Variants in ERMP1 observed in about 807,000 individuals in gnomAD.
ERMP1 encodes Felix-ina.
A neutral mutation model predicts 92.0 loss-of-function variants in ERMP1; 86 were observed. That is an observed-to-expected ratio of 0.93 (90% CI 0.79 to 1.12). ERMP1 has a LOEUF of 1.12. Ranked by LOEUF, ERMP1 falls within the 50% of genes most tolerant of loss-of-function variation. The probability of loss-of-function intolerance (pLI) is 0.00; values close to 1 mark genes in which losing one functional copy is unlikely to be tolerated. For synonymous variants in ERMP1, 530 were observed against 412.8 expected (o/e 1.28, Z -3.44); for missense variants, 1,342 against 1,116.3 (o/e 1.20, Z -2.88).
intron 6 of ERMP1, among the ~76,000 whole-genome samples, chr9:5,847,041 T>G (rs1830245420): frequency 6.6e-6 from 1 of 152,144 alleles, no homozygotes; most frequent in African/African-American, 2.4e-5. Flanking sequence ...TCAGCACCAA[T>G]GCTCAGCAGC....
chr9:5,804,789 A>T (rs1314117225), intron 10 of ERMP1, among the ~76,000 whole-genome samples: 1 of 152,074 alleles, frequency 6.6e-6, no homozygotes, highest in Non-Finnish European at 1.5e-5. Flanking sequence ...GAAAAGAGGT[A>T]AATCAGAGAA....
At chr9:5,789,496 G>A (rs1828083076) in intron 13 of ERMP1, among the ~76,000 whole-genome samples, 1 of 152,208 alleles carries the variant, frequency 6.6e-6, no homozygotes, top group African/African-American at 2.4e-5. Flanking sequence ...TTCAGAAACA[G>A]TCTAGAGAAT....
chr9:5,811,142 C>G lies in ERMP1; in HGVS notation c.1296G>C (p.Leu432=). 1 of 1,613,096 alleles carries G rather than the reference C, an allele frequency of 6.2e-7. No homozygotes were observed. The highest frequency in any genetic ancestry group is 8.5e-7 in the Non-Finnish European group (1 of 1,179,630). The change falls in exon 7 of 15, where the codon CTG becomes CTC. Residue 432 remains leucine (L), a synonymous_variant. Coordinates refer to ENST00000339450, the MANE Select transcript of ERMP1 (RefSeq NM_024896.3). ...GTTTGGGCTGCAAAAATTTTTTGCC[C>G]AGGTACAAAACAACACCCATTACCA... The part of the protein sequence containing the change: ...YMVVMGVVLY[L]GKKFLQPKHK...
At chr9:5,797,790 G>A (rs988618599) in intron 13 of ERMP1, 27 bp downstream of exon 13, 2 of 1,344,870 alleles carry the variant, frequency 1.5e-6, no homozygotes, top group African/African-American at 1.5e-5. Context: ...AATAAAGGAG[G>A]GGAGAAAAAA....
intron 10 of ERMP1, among the ~76,000 whole-genome samples, chr9:5,802,145 G>C (rs1170422497): frequency 6.6e-6 from 1 of 152,148 alleles, no homozygotes; most frequent in Non-Finnish European, 1.5e-5. Context: ...TGGACAGCGA[G>C]GGTGACACAT....
chr9:5,829,685 GC>G (rs1829866978), intron 2 of ERMP1, among the ~76,000 whole-genome samples: 2 of 152,134 alleles, frequency 1.3e-5, no homozygotes, highest in South Asian at 4.1e-4. Context: ...TTCAAATGTA[GC>G]TGAAAGAACT....
rs758011480 is a variant in ERMP1, at chr9:5,797,806, A to G, written c.2386+11T>C. On this transcript the variant is annotated intron_variant, in intron 13 of 14. Transcript: ENST00000339450. ...ATAAAGGAGGGGAGAAAAAACTATT[A>G]TATGACTTACCTGTTGCTTCAAAAG... 6.6e-7 allele frequency: 1 copy of G among 1,514,086 alleles called. No individual in the cohort carries two copies. The highest frequency in any genetic ancestry group is 2.3e-5 in the East Asian group (1 of 44,350). The allele number at this position is 1,514,086 out of a possible 1,614,324, so 93.8% of individuals were successfully genotyped here. A position where few individuals can be genotyped will look rare whatever the true frequency, so the allele number is the denominator to read the frequency against.
In ERMP1 at chr9:5,801,294, T is replaced by A; in HGVS notation, c.1949A>T (p.Lys650Ile). Reference sequence around the variant, plus strand: ...TACCAAAGTTAAAGTTAGCATGGTTTTTTTTGTGCTCTTGGCAAGGTAGAT... The same window carrying A: ...TACCAAAGTTAAAGTTAGCATGGTTATTTTTGTGCTCTTGGCAAGGTAGAT... ...NFIYLAKSTKKTMLTLTLVCA... is the reference protein window; with the variant it reads ...NFIYLAKSTKITMLTLTLVCA... The change falls in exon 11 of 15, where the codon AAA becomes ATA. Residue 650 changes from lysine (K) to isoleucine (I), a missense_variant. Physicochemically the swap from Lys to Ile is moderately radical, Grantham distance 102. Transcript: ENST00000339450. 1.2e-6 allele frequency: 2 copies of A among 1,613,308 alleles called. No individual in the cohort carries two copies. Among genetic ancestry groups the A allele is most frequent in the Non-Finnish European group, 1.7e-6 (2 of 1,179,658 alleles).
chr9:5,811,764 C>T (rs1264148796), intron 6 of ERMP1, among the ~76,000 whole-genome samples: 1 of 152,154 alleles, frequency 6.6e-6, no homozygotes, highest in Non-Finnish European at 1.5e-5. Flanking sequence ...AGGCCTTTCA[C>T]GAAGCTCAGA....
At chr9:5,831,105 C>T (rs1586826285) in intron 1 of ERMP1, 77 bp from the exon 2 acceptor site, 1 of 1,095,490 alleles carries the variant, frequency 9.1e-7, no homozygotes. Context: ...CCACTACACA[C>T]CCCTTCCTCC....
chr9:5,850,986 C>T (rs1388915632), intron 6 of ERMP1, among the ~76,000 whole-genome samples: 1 of 152,194 alleles, frequency 6.6e-6, no homozygotes, highest in Non-Finnish European at 1.5e-5. Context: ...ATCCCCCATC[C>T]AGGAACTGCC....
At position 5,813,015 on chromosome 9, in the gene ERMP1, C is replaced by A. The variant is rs755382310; in HGVS notation, c.895G>T (p.Val299Phe). ...FQTGPENPWL[V>F]QAYVSAAKHP... ...TTAGCTGCTGAAACATAAGCTTGAA[C>A]CAACCAAGGATTTTCAGGACCTAAA... Residue 299 changes from valine to phenylalanine, a missense_variant, in exon 5 of 15, where the codon GTT becomes TTT. Coordinates refer to ENST00000339450, the MANE Select transcript of ERMP1 (RefSeq NM_024896.3). 1 of 1,613,982 alleles carries A rather than the reference C, an allele frequency of 6.2e-7. No homozygotes were observed. Among genetic ancestry groups the A allele is most frequent in the Non-Finnish European group, 8.5e-7 (1 of 1,179,908 alleles).
intron 13 of ERMP1, among the ~76,000 whole-genome samples, chr9:5,793,763 T>C (rs891593372): frequency 1.3e-5 from 2 of 152,126 alleles, no homozygotes; most frequent in African/African-American, 4.8e-5. Context: ...CTTTAATTTG[T>C]ATGTAGCTAA....
At position 5,810,069 on chromosome 9, in the gene ERMP1, G is replaced by C; in HGVS notation, c.1490C>G (p.Thr497Ser). 1 of 1,613,886 alleles carries C rather than the reference G, an allele frequency of 6.2e-7. No individual in the cohort carries two copies. ...HFYVSVCLYG[T>S]ATVAKIILIH... ...AAGTATTATTTTGGCTACAGTTGCA[G>C]TTCCATACAGACAAACGGAGACATA... Residue 497 changes from threonine (T) to serine (S), a missense_variant, in exon 8 of 15, where the codon ACT becomes AGT. Thr to Ser is a moderately conservative substitution (Grantham distance 58, BLOSUM62 1). Coordinates refer to ENST00000339450, the MANE Select transcript of ERMP1 (RefSeq NM_024896.3).
At chr9:5,864,619 G>C (rs1830598282) in intron 5 of ERMP1, among the ~76,000 whole-genome samples, 1 of 152,216 alleles carries the variant, frequency 6.6e-6, no homozygotes, top group Non-Finnish European at 1.5e-5. Flanking sequence ...TGGTAGAGAT[G>C]TTTGGGGCAG....
At chr9:5,797,016 A>G (rs1828453488) in intron 13 of ERMP1, among the ~76,000 whole-genome samples, 1 of 152,076 alleles carries the variant, frequency 6.6e-6, no homozygotes, top group Admixed American at 6.5e-5. Flanking sequence ...ATTTTTCTGT[A>G]AACTTAACAT....
At position 5,800,502 on chromosome 9, in the gene ERMP1, C is replaced by G. The variant is rs141466741; in HGVS notation, c.2067+674G>C. 8.5e-3 allele frequency among the ~76,000 whole-genome samples: 1,294 copies of G among 152,078 alleles called. 21 individuals carry two copies. Among genetic ancestry groups the G allele is most frequent in the African/African-American group, 0.03 (1,227 of 41,496 alleles). ...AACAGCCTGGCCAACGTAGTGAAAC[C>G]CTGTCTCCACTAAAAATACAAAAAT... On this transcript the variant is annotated intron_variant, in intron 11 of 14. Transcript: ENST00000339450.
At chr9:5,843,133 G>A (rs1015961575) in intron 6 of ERMP1, among the ~76,000 whole-genome samples, 2 of 152,190 alleles carry the variant, frequency 1.3e-5, no homozygotes, top group African/African-American at 2.4e-5. Flanking sequence ...CCTGACATGG[G>A]CAGATAAGGT....
intron 6 of ERMP1, among the ~76,000 whole-genome samples, chr9:5,847,882 G>A (rs1029295399): frequency 1.8e-4 from 27 of 149,636 alleles, no homozygotes; most frequent in Middle Eastern, 3.5e-3. Flanking sequence ...GCGACAGAGC[G>A]AGACTCCGTC....
Sources: allele counts gnomAD v4.1 joint callset (sites outside exome capture counted in the v4.1 genomes callset), GRCh38; gene constraint gnomAD v4.1.1; transcripts MANE v1.5; gene names NCBI Gene and HGNC (gene_info 2026-07-23, HGNC 2026-07-21).